BBS9: variants seen among roughly 807,000 people sequenced by gnomAD.
BBS9 encodes the protein protein PTHB1.
In BBS9, 89 loss-of-function variants were observed where a neutral mutation model predicts 117.7. That is an observed-to-expected ratio of 0.76 (90% CI 0.64 to 0.90). BBS9 has a LOEUF of 0.90. Ranked by LOEUF, BBS9 falls within the 40% of genes least tolerant of loss-of-function variation. BBS9 has a pLI of 0.00. For missense variants in BBS9, 982 were observed against 1,042.2 expected, an observed-to-expected ratio of 0.94 and a Z score of 0.80; for synonymous variants, 379 against 370.9, an observed-to-expected ratio of 1.02 and a Z score of -0.25.
intron 5 of BBS9, among the ~76,000 whole-genome samples, chr7:33,250,492 A>G (rs1287631508): frequency 2.0e-5 from 3 of 152,204 alleles, no homozygotes; most frequent in Non-Finnish European, 4.4e-5. Flanking sequence ...CTGTTCTGTC[A>G]GAATGACAAA....
At chr7:33,257,165 G>GAGAT in intron 5 of BBS9, 71 bp from the exon 6 acceptor site, 1 of 1,078,356 alleles carries the variant, frequency 9.3e-7, no homozygotes. Flanking sequence ...ACATGTTGTA[G>GAGAT]ATAGTGATTA....
chr7:33,271,043 T>C (rs1285325501), intron 7 of BBS9, among the ~76,000 whole-genome samples: 1 of 152,056 alleles, frequency 6.6e-6, no homozygotes, highest in African/African-American at 2.4e-5. Context: ...CCAGAAGAGA[T>C]TGGAGGCCTG....
At chr7:33,576,271 C>T (rs1344723020) in intron 21 of BBS9, among the ~76,000 whole-genome samples, 1 of 152,110 alleles carries the variant, frequency 6.6e-6, no homozygotes, top group Admixed American at 6.6e-5. Flanking sequence ...AACAGACAAA[C>T]AGAGAGCCAA....
intron 21 of BBS9, among the ~76,000 whole-genome samples, chr7:33,601,885 C>G (rs140871135): frequency 1.3e-5 from 2 of 152,226 alleles, no homozygotes; most frequent in African/African-American, 4.8e-5. Flanking sequence ...AATTGCACAC[C>G]AGGGGCTATT....
intron 21 of BBS9, among the ~76,000 whole-genome samples, chr7:33,563,166 G>T (rs1021312886): frequency 9.2e-5 from 14 of 152,142 alleles, no homozygotes; most frequent in African/African-American, 2.9e-4. Context: ...GTCATCTCTG[G>T]TGTCAAAAGG....
rs368667109 is a variant in BBS9, at chr7:33,528,458, G to T, written c.2299-5496G>T. Among the ~76,000 whole-genome samples, 46 of 152,016 alleles carry T rather than the reference G, an allele frequency of 3.0e-4. No homozygotes were observed. In the South Asian group the frequency reaches 5.2e-3, roughly 17 times the overall value. On this transcript the variant is annotated intron_variant, in intron 20 of 22. Transcript: ENST00000242067. ...CTATACCACTGTAGTTAAGGATGTG[G>T]TAGTGTTTCTATTATAAACATAGGT... is the stretch of plus-strand genomic sequence containing the variant.
intron 19 of BBS9, among the ~76,000 whole-genome samples, chr7:33,414,745 C>T (rs1333258825): frequency 2.0e-5 from 3 of 152,206 alleles, no homozygotes; most frequent in African/African-American, 7.2e-5. Context: ...CTGCAGTGAA[C>T]ACTTCTGGAG....
rs752090932 is a variant in BBS9, at chr7:33,393,166, AAAAC to A, written c.2115+5046_2115+5049del. On this transcript the variant is annotated intron_variant, in intron 19 of 22. Coordinates refer to ENST00000242067, the MANE Select transcript of BBS9 (RefSeq NM_198428.3). Reference sequence around the variant, plus strand: ...GGGCAACAGTGTGAGACCCTGTCTCAAAACAAACAAACAAACAAACAAACAAAAA... The same window carrying A: ...GGGCAACAGTGTGAGACCCTGTCTCAAAACAAACAAACAAACAAACAAAAA... Among the ~76,000 whole-genome samples, 568 of 152,242 alleles carry A rather than the reference AAAAC, an allele frequency of 3.7e-3. 1 individual carries two copies. Among genetic ancestry groups the A allele is most frequent in the African/African-American group, 0.012 (489 of 41,522 alleles).
In BBS9 at chr7:33,298,922, T is replaced by A. The variant is rs190664520; in HGVS notation, c.1016+24966T>A. ...TTTCTTTTTCCATCTATTGAATCAG[T>A]ACCATGGCCAACCTGGGAGAAAATA... On this transcript the variant is annotated intron_variant, in intron 9 of 22. Coordinates refer to ENST00000242067, the MANE Select transcript of BBS9 (RefSeq NM_198428.3). Among the ~76,000 whole-genome samples the A allele has an allele frequency of 5.3e-5, 8 of 152,318 alleles. No individual in the cohort carries two copies. The East Asian group carries it at 1.5e-3, about 29-fold the overall frequency.
intron 21 of BBS9, among the ~76,000 whole-genome samples, chr7:33,597,451 A>G (rs911771161): frequency 8.7e-6 from 1 of 115,294 alleles, no homozygotes; most frequent in African/African-American, 7.3e-5. Flanking sequence ...CCTCTTAAAT[A>G]TATGAAGAAA....
At chr7:33,455,720 GCCGTGTCTGAATTGGGTC>G (rs1161667582) in intron 19 of BBS9, among the ~76,000 whole-genome samples, 1 of 152,114 alleles carries the variant, frequency 6.6e-6, no homozygotes, top group Non-Finnish European at 1.5e-5. Context: ...CTTTAAAAAG[GCCGTGTCTGAATTGGGTC>G]CCCAGCTAAC....
At chr7:33,328,161 T>G (rs1813226400) in intron 9 of BBS9, among the ~76,000 whole-genome samples, 2 of 152,186 alleles carry the variant, frequency 1.3e-5, no homozygotes, top group Non-Finnish European at 1.5e-5. Flanking sequence ...TTGTCCATTG[T>G]TTTTCATCTG....
intron 19 of BBS9, among the ~76,000 whole-genome samples, chr7:33,428,015 C>T (rs1033528949): frequency 1.3e-5 from 2 of 152,156 alleles, no homozygotes; most frequent in Non-Finnish European, 2.9e-5. Context: ...CCAGTTTTCT[C>T]TGTTCCCCTC....
chr7:33,396,415 C>T (rs1255150341), intron 19 of BBS9, among the ~76,000 whole-genome samples: 2 of 151,776 alleles, frequency 1.3e-5, no homozygotes, highest in Admixed American at 1.3e-4. Flanking sequence ...TAATAAGTTA[C>T]AAATAATGAA....
intron 9 of BBS9, among the ~76,000 whole-genome samples, chr7:33,327,896 G>A (rs1217422497): frequency 1.3e-5 from 2 of 152,144 alleles, no homozygotes; most frequent in Admixed American, 1.3e-4. Flanking sequence ...CTTAAAGAAT[G>A]GAGTTACCAA....
intron 21 of BBS9, among the ~76,000 whole-genome samples, chr7:33,592,965 G>T (rs1039217226): frequency 6.6e-6 from 1 of 152,066 alleles, no homozygotes. Context: ...TTTCTCAACT[G>T]TAGCTGTAAT....
intron 21 of BBS9, among the ~76,000 whole-genome samples, chr7:33,626,974 A>G (rs1025067164): frequency 3.3e-5 from 5 of 152,260 alleles, no homozygotes; most frequent in East Asian, 1.9e-4. Flanking sequence ...GGCTGCAGAA[A>G]TGTGCATAAG....
chr7:33,279,676 C>T (rs1215481933), intron 9 of BBS9, among the ~76,000 whole-genome samples: 1 of 152,178 alleles, frequency 6.6e-6, no homozygotes. Context: ...TTGTTTATTA[C>T]ATACCAGTTC....
chr7:33,480,350 T>G (rs1563233284), intron 19 of BBS9, among the ~76,000 whole-genome samples: 1 of 152,078 alleles, frequency 6.6e-6, no homozygotes, highest in Non-Finnish European at 1.5e-5. Flanking sequence ...ATAAAGAGGG[T>G]TTTTATTTGT....
Sources: gnomAD v4.1 joint callset for allele counts (sites outside exome capture counted in the v4.1 genomes callset) on GRCh38, gnomAD v4.1.1 for gene constraint, MANE v1.5 for transcripts, NCBI Gene and HGNC (gene_info 2026-07-23, HGNC 2026-07-21) for gene names.